ACSM3: variants seen among roughly 807,000 people sequenced by gnomAD.
ACSM3 encodes acyl-coenzyme A synthetase ACSM3, mitochondrial.
Under a neutral mutation model 74.1 loss-of-function variants are expected in ACSM3, and 61 were observed. That is an observed-to-expected ratio of 0.82 (90% CI 0.67 to 1.02). The LOEUF (loss-of-function observed/expected upper bound fraction) is 1.02. Among genes scored for constraint, ACSM3 ranks in the 50% least tolerant of loss-of-function variants. ACSM3 has a pLI of 0.00. For missense variants in ACSM3, 660 were observed against 697.0 expected (o/e 0.95, Z 0.60); for synonymous variants, 213 against 241.5 (o/e 0.88, Z 1.09).
chr16:20,697,570 C>G (rs2079696649), intron 1 of ACSM3: 1 of 129,244 alleles, frequency 7.7e-6, no homozygotes, highest in Admixed American at 8.5e-5. Flanking sequence ...CACACACACA[C>G]ACACACACAC....
At chr16:20,682,328 G>A in intron 1 of ACSM3, 1 of 1,613,996 alleles carries the variant, frequency 6.2e-7, no homozygotes, top group Non-Finnish European at 8.5e-7. Flanking sequence ...TTTCAGAGAG[G>A]GGCACTGAGA....
chr16:20,756,762 G>A (rs1360999852), intron 3 of ACSM3, among the ~76,000 whole-genome samples: 1 of 152,232 alleles, frequency 6.6e-6, no homozygotes, highest in East Asian at 1.9e-4. Context: ...GTTTTTATGG[G>A]TTTAGGTCTA....
intron 3 of ACSM3, chr16:20,755,628 T>TTATTATTAC (rs1450451066): frequency 0.018 from 780 of 42,634 alleles, 6 homozygotes; most frequent in African/African-American, 0.043. Context: ...TAAGTGCTTT[T>TTATTATTAC]TATTATTATT....
At chr16:20,715,691 C>G (rs2079759286) in intron 1 of ACSM3, among the ~76,000 whole-genome samples, 1 of 152,172 alleles carries the variant, frequency 6.6e-6, no homozygotes, top group Admixed American at 6.5e-5. Context: ...TGAATTAAAA[C>G]AGCATCCTTA....
At chr16:20,782,948 A>C (rs2080385147) in intron 7 of ACSM3, among the ~76,000 whole-genome samples, 1 of 152,212 alleles carries the variant, frequency 6.6e-6, no homozygotes, top group Admixed American at 6.5e-5. Flanking sequence ...CCTTTCCGGC[A>C]CGTGGTGCTC....
intron 2 of ACSM3, among the ~76,000 whole-genome samples, chr16:20,754,197 A>C (rs888310676): frequency 2.0e-5 from 3 of 152,290 alleles, no homozygotes; most frequent in Non-Finnish European, 2.9e-5. Context: ...AGAGGGGAGA[A>C]GGAGAGGTAC....
intron 9 of ACSM3, among the ~76,000 whole-genome samples, chr16:20,788,826 C>T (rs2080530918): frequency 6.6e-6 from 1 of 152,130 alleles, no homozygotes; most frequent in Non-Finnish European, 1.5e-5. Flanking sequence ...TTCCTTCATA[C>T]CTGGAACCAC....
chr16:20,701,456 G>A (rs553008931), intron 1 of ACSM3, among the ~76,000 whole-genome samples: 1 of 152,254 alleles, frequency 6.6e-6, no homozygotes, highest in Admixed American at 6.5e-5. Context: ...TACAGCAAGT[G>A]CTTTTCAAAG....
At chr16:20,792,696 A>G (rs1056782731) in intron 12 of ACSM3, 13 of 985,328 alleles carry the variant, frequency 1.3e-5, no homozygotes, top group Non-Finnish European at 1.6e-5. Flanking sequence ...CTGGAAACCA[A>G]CGAGGTCCCT....
rs375388882 is a variant in ACSM3, at chr16:20,790,822, T to C, written c.1326+134T>C. On this transcript the variant is annotated intron_variant, in intron 10 of 13. Transcript: ENST00000289416. This position sits in a 1 kb window ranked among gnomAD's most constrained non-coding sequence, Gnocchi z 4.0. The stretch of plus-strand genomic sequence containing the variant: ...AGAGATTGGTTGTCCTGAATAGTAA[T>C]CCAAAAGACAAGAAATTGAAGAAAT... 1.6e-4 allele frequency: 254 copies of C among 1,613,674 alleles called. No homozygotes were observed. The highest frequency in any genetic ancestry group is 1.5e-4 in the Non-Finnish European group (173 of 1,179,906).
At chr16:20,760,536 T>C (rs1215242442), upstream of ACSM3, among the ~76,000 whole-genome samples, 1 of 152,152 alleles carries the variant, frequency 6.6e-6, no homozygotes, top group Non-Finnish European at 1.5e-5. Context: ...GAAAAACATG[T>C]CTTCCAACCT....
chr16:20,684,465 T>C (rs2079510956), intron 1 of ACSM3, among the ~76,000 whole-genome samples: 1 of 152,232 alleles, frequency 6.6e-6, no homozygotes, highest in South Asian at 2.1e-4. Context: ...ATATACCCCC[T>C]GATGTGATGC....
chr16:20,792,394 A>C, intron 12 of ACSM3, 59 bp downstream of exon 12: 1 of 1,599,470 alleles, frequency 6.3e-7, no homozygotes, highest in Non-Finnish European at 8.6e-7. Flanking sequence ...ACATACTTAC[A>C]AACAGTAGCT....
chr16:20,793,932 A>C (rs1267318705), intron 12 of ACSM3, among the ~76,000 whole-genome samples: 1 of 152,138 alleles, frequency 6.6e-6, no homozygotes, highest in Admixed American at 6.5e-5. Flanking sequence ...CCTAGCGTAC[A>C]ATATAGGAAA....
intron 1 of ACSM3, among the ~76,000 whole-genome samples, chr16:20,678,925 C>T (rs181459409): frequency 6.6e-6 from 1 of 152,242 alleles, no homozygotes; most frequent in South Asian, 2.1e-4. Flanking sequence ...GGCCACCCCC[C>T]ATCATCTGTA....
At chr16:20,762,222 C>T (rs1889353417), upstream of ACSM3, among the ~76,000 whole-genome samples, 1 of 151,706 alleles carries the variant, frequency 6.6e-6, no homozygotes, top group African/African-American at 2.4e-5. Flanking sequence ...ATTGTAGATC[C>T]GTATGGATTC....
At chr16:20,795,012 A>C (rs2080690929) in intron 12 of ACSM3, among the ~76,000 whole-genome samples, 1 of 152,250 alleles carries the variant, frequency 6.6e-6, no homozygotes, top group South Asian at 2.1e-4. Flanking sequence ...CACTTACAAC[A>C]AGCATAATTT....
intron 4 of ACSM3, 76 bp from the exon 5 acceptor site, chr16:20,780,638 C>T: frequency 1.2e-6 from 2 of 1,613,472 alleles, no homozygotes; most frequent in Non-Finnish European, 1.7e-6. Context: ...AAGTGGAGAG[C>T]TTCTCAAAAT....
chr16:20,728,422 G>T lies in ACSM3; in HGVS notation c.-189-21488G>T, dbSNP rs187167504. On this transcript the variant is annotated intron_variant, in intron 1 of 3. Transcript: ENST00000561584. ...GAAAATGGCAATGTTCTACCACCTG[G>T]CAAAGAAGGGGAAATTGCCCTCAGA... The T allele has an allele frequency of 4.2e-6, 6 of 1,429,068 alleles. No homozygotes were observed. The East Asian group carries it at 1.4e-4, about 33-fold the overall frequency. The allele number at this position is 1,429,068 out of a possible 1,614,324, so 88.5% of individuals were successfully genotyped here. A position where few individuals can be genotyped will look rare whatever the true frequency, so the allele number is the denominator to read the frequency against.
Sources: gnomAD v4.1 joint callset for allele counts (sites outside exome capture counted in the v4.1 genomes callset) on GRCh38, gnomAD v4.1.1 for gene constraint, Gnocchi (gnomAD v3.1) non-coding constraint, MANE v1.5 for transcripts, NCBI Gene and HGNC (gene_info 2026-07-23, HGNC 2026-07-21) for gene names.